Variants in CPN1 observed in about 807,000 individuals in gnomAD.
The protein encoded by CPN1 is carboxypeptidase N subunit 1.
CPN1 carries 37 observed loss-of-function variants against 46.4 expected under a neutral mutation model. The observed-to-expected ratio is 0.80, with a 90% CI of 0.61 to 1.05. The LOEUF is 1.05. Ranked by LOEUF, CPN1 falls within the 50% of genes least tolerant of loss-of-function variation. The probability of loss-of-function intolerance (pLI) is 0.00; values close to 1 mark genes in which losing one functional copy is unlikely to be tolerated. For synonymous variants in CPN1, 224 were observed against 235.4 expected (o/e 0.95, Z 0.44); for missense variants, 563 against 602.6 (o/e 0.93, Z 0.69).
intron 1 of CPN1, among the ~76,000 whole-genome samples, chr10:100,078,652 G>A (rs144967464): frequency 1.3e-4 from 20 of 152,310 alleles, no homozygotes; most frequent in Non-Finnish European, 2.4e-4. Context: ...GTGAATGGGC[G>A]TGATTATGTT....
At chr10:100,052,770 C>G (rs2133429232) in intron 7 of CPN1, among the ~76,000 whole-genome samples, 1 of 152,174 alleles carries the variant, frequency 6.6e-6, no homozygotes, top group African/African-American at 2.4e-5. Flanking sequence ...GTTCCAGCTA[C>G]TTGGGAGGCT....
rs1450053012 is a variant in CPN1, at chr10:100,075,986, G to A, written c.345C>T (p.Val115=). ...GAATGCGCGTGTCCTGGATGAGCTG[G>A]ACGATGCGCTGGTTCCTGTTCCGGA... ...EEFRNRNQRI[V]QLIQDTRIHI... Residue 115 remains valine (V), a synonymous_variant, in exon 2 of 9, where the codon GTC becomes GTT. Coordinates refer to ENST00000370418, the MANE Select transcript of CPN1 (RefSeq NM_001308.3). The A allele has an allele frequency of 6.2e-7, 1 of 1,614,162 alleles. No homozygotes were observed. The highest frequency in any genetic ancestry group is 1.1e-5 in the South Asian group (1 of 91,078).
In CPN1 at chr10:100,055,862, T is replaced by G. The variant is rs150889745; in HGVS notation, c.1011+1151A>C. 1.7e-3 allele frequency among the ~76,000 whole-genome samples: 261 copies of G among 152,356 alleles called. 1 individual carries two copies. The highest frequency in any genetic ancestry group is 2.9e-3 in the Non-Finnish European group (200 of 68,048). Reference sequence around the variant, plus strand: ...TTTTTAAGGCTGTATAATATTCCACTGTATGGATATACCACATTTGTTTAT... The same window carrying G: ...TTTTTAAGGCTGTATAATATTCCACGGTATGGATATACCACATTTGTTTAT... On this transcript the variant is annotated intron_variant, in intron 6 of 8. Coordinates refer to ENST00000370418, the MANE Select transcript of CPN1 (RefSeq NM_001308.3).
intron 6 of CPN1, among the ~76,000 whole-genome samples, chr10:100,055,199 C>T (rs11190383): frequency 6.6e-6 from 1 of 151,504 alleles, no homozygotes; most frequent in Non-Finnish European, 1.5e-5. Context: ...GATCACGCCA[C>T]TGCACTCCAG....
intron 5 of CPN1, 152 bp downstream of exon 5, chr10:100,063,462 A>G: frequency 1.4e-6 from 1 of 709,370 alleles, no homozygotes; most frequent in Non-Finnish European, 2.6e-6. Flanking sequence ...TGATCACTAA[A>G]TGCCAACCTG....
At chr10:100,063,500 T>C in intron 5 of CPN1, 114 bp downstream of exon 5, 1 of 830,832 alleles carries the variant, frequency 1.2e-6, no homozygotes, top group Non-Finnish European at 2.1e-6. Context: ...AGATCTCAAC[T>C]TGAGTGCAAA....
At chr10:100,062,884 A>T (rs1467461455) in intron 5 of CPN1, among the ~76,000 whole-genome samples, 3 of 151,836 alleles carry the variant, frequency 2.0e-5, no homozygotes, top group Non-Finnish European at 4.4e-5. Flanking sequence ...TATAGGCATC[A>T]GTCACCATGC....
chr10:100,068,980 C>T (rs1045321210), intron 3 of CPN1, among the ~76,000 whole-genome samples: 3 of 152,220 alleles, frequency 2.0e-5, no homozygotes, highest in Non-Finnish European at 4.4e-5. Context: ...GCATCTTCAT[C>T]CCGATTCCAT....
At position 100,075,988 on chromosome 10, in the gene CPN1, C is replaced by T. The variant is rs757656853; in HGVS notation, c.343G>A (p.Val115Ile). The T allele has an allele frequency of 2.1e-5, 34 of 1,614,042 alleles. No homozygotes were observed. Among genetic ancestry groups the T allele is most frequent in the Admixed American group, 5.0e-5 (3 of 59,988 alleles). ...EEFRNRNQRI[V>I]QLIQDTRIHI... ...ATGCGCGTGTCCTGGATGAGCTGGA[C>T]GATGCGCTGGTTCCTGTTCCGGAAC... The change falls in exon 2 of 9, where the codon GTC becomes ATC. Residue 115 changes from valine to isoleucine, a missense_variant. Coordinates refer to ENST00000370418, the MANE Select transcript of CPN1 (RefSeq NM_001308.3).
rs1022955215 is a variant in CPN1 at position 100,042,347 on chromosome 10, T to C, written c.*80A>G. 5.1e-6 allele frequency: 8 copies of C among 1,555,698 alleles called. No homozygotes were observed. The African/African-American group carries it at 1.1e-4, about 21-fold the overall frequency. On this transcript the variant is annotated 3_prime_UTR_variant, in exon 9 of 9. Coordinates refer to ENST00000370418, the MANE Select transcript of CPN1 (RefSeq NM_001308.3). The stretch of plus-strand genomic sequence containing the variant: ...TGTTTGTATTTAAATATGTCCCAGA[T>C]AATAAAATAGAAAGAATGCTTGATC...
chr10:100,053,535 G>A (rs1368358631), intron 7 of CPN1, among the ~76,000 whole-genome samples: 3 of 151,956 alleles, frequency 2.0e-5, no homozygotes, highest in Non-Finnish European at 2.9e-5. Context: ...TGAGTTAGGA[G>A]GATGGCTTGA....
At chr10:100,058,929 A>T (rs2041401038) in intron 5 of CPN1, among the ~76,000 whole-genome samples, 1 of 152,188 alleles carries the variant, frequency 6.6e-6, no homozygotes, top group South Asian at 2.1e-4. Flanking sequence ...AAGACCATTC[A>T]ATGGGGAAAG....
intron 8 of CPN1, 28 bp from the exon 9 acceptor site, chr10:100,042,601 G>T: frequency 1.2e-6 from 2 of 1,613,438 alleles, no homozygotes; most frequent in Non-Finnish European, 1.7e-6. Context: ...GGAGCTACGA[G>T]ATCCGTTTGG....
At chr10:100,068,983 G>A (rs1004109482) in intron 3 of CPN1, among the ~76,000 whole-genome samples, 1 of 152,190 alleles carries the variant, frequency 6.6e-6, no homozygotes, top group Admixed American at 6.5e-5. Context: ...TCTTCATCCC[G>A]ATTCCATCAA....
intron 8 of CPN1, among the ~76,000 whole-genome samples, chr10:100,042,794 A>T (rs2041284190): frequency 6.6e-6 from 1 of 151,972 alleles, no homozygotes; most frequent in South Asian, 2.1e-4. Context: ...TTGATTTTAC[A>T]TGTATTAGAA....
intron 2 of CPN1, among the ~76,000 whole-genome samples, chr10:100,072,761 T>C (rs916905938): frequency 6.6e-6 from 1 of 152,226 alleles, no homozygotes; most frequent in African/African-American, 2.4e-5. Context: ...GACATTGTAG[T>C]CTAGCCTTCT....
At chr10:100,057,785 T>C (rs2902364) in intron 5 of CPN1, among the ~76,000 whole-genome samples, 35,558 of 151,956 alleles carry the variant, frequency 0.23, 5,196 homozygotes, top group Non-Finnish European at 0.33. Context: ...GTGAGGAGTA[T>C]TGGGGTGATG....
At chr10:100,060,536 G>C (rs1447121716) in intron 5 of CPN1, among the ~76,000 whole-genome samples, 2 of 151,974 alleles carry the variant, frequency 1.3e-5, no homozygotes, top group Non-Finnish European at 2.9e-5. Context: ...CTCCAGCCTG[G>C]GTGACAGAAA....
In CPN1 at chr10:100,057,138, T is replaced by C; in HGVS notation, c.886A>G (p.Asn296Asp). ...YSLSKGMQDF[N>D]YLHTNCFEIT... ...TCAAAGCAGTTGGTATGGAGATAAT[T>C]AAAGTCTTGCATTCCTAAGGGAAAG... The change falls in exon 6 of 9, where the codon AAT becomes GAT. Residue 296 changes from asparagine to aspartate, a missense_variant. Physicochemically the swap from Asn to Asp is conservative, Grantham distance 23 (BLOSUM62 1). Coordinates refer to ENST00000370418, the MANE Select transcript of CPN1 (RefSeq NM_001308.3). 6.2e-7 allele frequency: 1 copy of C among 1,614,150 alleles called. No homozygotes were observed. Among genetic ancestry groups the C allele is most frequent in the Non-Finnish European group, 8.5e-7 (1 of 1,180,014 alleles).
Sources: gnomAD v4.1 joint callset for allele counts (sites outside exome capture counted in the v4.1 genomes callset) on GRCh38, gnomAD v4.1.1 for gene constraint, MANE v1.5 for transcripts, NCBI Gene and HGNC (gene_info 2026-07-23, HGNC 2026-07-21) for gene names.